Variants in FILIP1L observed in about 807,000 individuals in gnomAD.
FILIP1L encodes the protein filamin A-interacting protein 1-like.
A neutral mutation model predicts 96.6 loss-of-function variants in FILIP1L; 55 were observed. That is an observed-to-expected ratio of 0.57 (90% confidence interval 0.46 to 0.71). FILIP1L has a LOEUF of 0.71. Among genes scored for constraint, FILIP1L ranks in the 30% least tolerant of loss-of-function variants. The pLI is 0.00. For missense variants in FILIP1L, 1,304 were observed against 1,321.2 expected, an observed-to-expected ratio of 0.99 and a Z score of 0.20; for synonymous variants, 467 against 473.9, an observed-to-expected ratio of 0.99 and a Z score of 0.19.
intron 1 of FILIP1L, among the ~76,000 whole-genome samples, chr3:99,969,024 A>G (rs1300857618): frequency 6.6e-6 from 1 of 152,298 alleles, no homozygotes; most frequent in East Asian, 1.9e-4. Context: ...TAGAGGAAAG[A>G]GTAAATAGGC....
chr3:99,922,647 T>C (rs1275951509), intron 4 of FILIP1L, among the ~76,000 whole-genome samples: 2 of 152,236 alleles, frequency 1.3e-5, no homozygotes, highest in Non-Finnish European at 2.9e-5. Context: ...CCATTTGAGA[T>C]TGGTTACTTT....
intron 1 of FILIP1L, among the ~76,000 whole-genome samples, chr3:99,951,260 G>C (rs1708168136): frequency 6.6e-6 from 1 of 152,096 alleles, no homozygotes. Flanking sequence ...CACTCTAGTA[G>C]CACTAAGACC....
chr3:99,912,069 C>T (rs1407214070), intron 4 of FILIP1L, among the ~76,000 whole-genome samples: 1 of 152,122 alleles, frequency 6.6e-6, no homozygotes, highest in Non-Finnish European at 1.5e-5. Flanking sequence ...GAGAAATCTA[C>T]ATTATCATCA....
chr3:100,097,154 C>A (rs965120602), intron 1 of FILIP1L, among the ~76,000 whole-genome samples: 3 of 152,142 alleles, frequency 2.0e-5, no homozygotes, highest in African/African-American at 7.2e-5. Flanking sequence ...TACAGAACTG[C>A]ACATGCGAGA....
At chr3:100,056,515 A>G (rs1296808447) in intron 1 of FILIP1L, among the ~76,000 whole-genome samples, 1 of 152,182 alleles carries the variant, frequency 6.6e-6, no homozygotes, top group Non-Finnish European at 1.5e-5. Flanking sequence ...TGAGCTAGAG[A>G]TATCATTAAC....
At chr3:100,020,916 C>T (rs556484463) in intron 1 of FILIP1L, among the ~76,000 whole-genome samples, 12 of 152,084 alleles carry the variant, frequency 7.9e-5, no homozygotes, top group South Asian at 4.2e-4. Flanking sequence ...TACAGGCATG[C>T]GCCATCATGC....
intron 5 of FILIP1L, among the ~76,000 whole-genome samples, chr3:99,843,451 A>G (rs2107510153): frequency 6.6e-6 from 1 of 152,348 alleles, no homozygotes; most frequent in East Asian, 1.9e-4. Flanking sequence ...TAGAATAGCC[A>G]CATTTCCTAC....
At chr3:99,987,387 G>A (rs1300289118) in intron 1 of FILIP1L, among the ~76,000 whole-genome samples, 2 of 151,018 alleles carry the variant, frequency 1.3e-5, no homozygotes, top group Non-Finnish European at 2.9e-5. Context: ...AAATTAACGG[G>A]GTGTGGTGGC....
chr3:99,917,785 C>G (rs774166966), intron 4 of FILIP1L, among the ~76,000 whole-genome samples: 2 of 152,120 alleles, frequency 1.3e-5, no homozygotes, highest in Non-Finnish European at 2.9e-5. Flanking sequence ...AATGGATGTA[C>G]AGATTTGGAT....
chr3:99,850,252 A>G lies in FILIP1L; in HGVS notation c.1424T>C (p.Ile475Thr), dbSNP rs774450740. ...TTCTGTCTTTTCTAGCCGACTTTCAATGGCTTCTAGCTCTTTGATCCTTAC... is the reference window on the plus strand; with the variant it reads ...TTCTGTCTTTTCTAGCCGACTTTCAGTGGCTTCTAGCTCTTTGATCCTTAC... ...LKVRIKELEA[I>T]ESRLEKTEFT... is the part of the protein sequence containing the mutation. Residue 475 changes from isoleucine (I) to threonine (T), a missense_variant, in exon 5 of 6, where the codon ATT becomes ACT. Coordinates refer to ENST00000477258, the MANE Select transcript of FILIP1L (RefSeq NM_001387850.1). 4.3e-6 allele frequency: 7 copies of G among 1,613,736 alleles called. No individual in the cohort carries two copies. The East Asian group carries it at 1.1e-4, about 26-fold the overall frequency.
intron 4 of FILIP1L, among the ~76,000 whole-genome samples, chr3:99,853,796 C>A (rs973736585): frequency 6.6e-6 from 1 of 152,176 alleles, no homozygotes; most frequent in Non-Finnish European, 1.5e-5. Context: ...CATGAGCGCA[C>A]CATAGGACAG....
At chr3:100,024,791 C>T (rs2064888377) in intron 1 of FILIP1L, among the ~76,000 whole-genome samples, 2 of 152,102 alleles carry the variant, frequency 1.3e-5, no homozygotes, top group South Asian at 4.1e-4. Context: ...CTGTGCTCTC[C>T]ACACTGTCTT....
chr3:99,990,260 G>A (rs1040496694), intron 1 of FILIP1L, among the ~76,000 whole-genome samples: 4 of 152,158 alleles, frequency 2.6e-5, no homozygotes, highest in Non-Finnish European at 5.9e-5. Flanking sequence ...TAGACAGAAA[G>A]AGATAGACAT....
chr3:99,948,720 G>C (rs1708088118), intron 1 of FILIP1L, among the ~76,000 whole-genome samples: 1 of 149,788 alleles, frequency 6.7e-6, no homozygotes, highest in Non-Finnish European at 1.5e-5. Context: ...GGAAGGGAAA[G>C]GGAAGTGGAA....
chr3:99,902,910 G>A (rs905380390), intron 4 of FILIP1L, among the ~76,000 whole-genome samples: 2 of 152,160 alleles, frequency 1.3e-5, no homozygotes, highest in African/African-American at 4.8e-5. Context: ...TTTATTTAAA[G>A]CAACTAAAAT....
chr3:99,943,581 G>A (rs1256026644), intron 1 of FILIP1L, among the ~76,000 whole-genome samples: 1 of 152,104 alleles, frequency 6.6e-6, no homozygotes. Flanking sequence ...GCATGCGCCT[G>A]TAGTCCCAGC....
intron 1 of FILIP1L, among the ~76,000 whole-genome samples, chr3:99,981,835 C>T (rs906639579): frequency 2.2e-4 from 33 of 152,104 alleles, no homozygotes; most frequent in Non-Finnish European, 7.3e-5. Context: ...GTTCGTGAGA[C>T]AACATTGCAG....
rs1016712367 is a variant in FILIP1L at position 99,862,540 on chromosome 3, CTG to C, written c.606-11472_606-11471del. Among the ~76,000 whole-genome samples, 8 of 152,270 alleles carry C rather than the reference CTG, an allele frequency of 5.3e-5. No individual in the cohort carries two copies. The East Asian group carries it at 5.8e-4, about 11-fold the overall frequency. ...TTTGTTGTAGGGGCTGTCCTGTACA[CTG>C]TAGGGTGTTTAGCAGCATCCCTGAT... On this transcript the variant is annotated intron_variant, in intron 4 of 5. Coordinates refer to ENST00000477258, the MANE Select transcript of FILIP1L (RefSeq NM_001387850.1).
chr3:99,892,666 G>T (rs1706121210), intron 4 of FILIP1L, among the ~76,000 whole-genome samples: 1 of 152,096 alleles, frequency 6.6e-6, no homozygotes, highest in South Asian at 2.1e-4. Context: ...ATCTCTTCTG[G>T]TGTCTCTTTA....
Sources: allele counts gnomAD v4.1 joint callset (sites outside exome capture counted in the v4.1 genomes callset), GRCh38; gene constraint gnomAD v4.1.1; transcripts MANE v1.5; gene names NCBI Gene and HGNC (gene_info 2026-07-23, HGNC 2026-07-21).